CACTIN: variants seen among roughly 807,000 people sequenced by gnomAD.
The protein encoded by CACTIN is cactin, spliceosome C complex subunit, also known as splicing factor Cactin.
Under a neutral mutation model 84.9 loss-of-function variants are expected in CACTIN, and 20 were observed. The ratio of observed to expected loss-of-function variants is 0.24; its 90% CI spans 0.17 to 0.34. CACTIN has a LOEUF of 0.34. Ranked by LOEUF, CACTIN falls within the 10% of genes least tolerant of loss-of-function variation. The probability of loss-of-function intolerance (pLI) is 1.00; values close to 1 mark genes in which losing one functional copy is unlikely to be tolerated. For synonymous variants in CACTIN, 549 were observed against 467.9 expected (o/e 1.17, Z -2.24); for missense variants, 897 against 1,117.2 (o/e 0.80, Z 2.81).
chr19:3,614,289 C>A (rs952622646), intron 7 of CACTIN, 108 bp downstream of exon 7: 18 of 1,146,856 alleles, frequency 1.6e-5, no homozygotes, highest in Non-Finnish European at 1.9e-5. Flanking sequence ...CTCTCCACCC[C>A]ACATGGTCCC....
At position 3,610,949 on chromosome 19, in the gene CACTIN, G is replaced by C; in HGVS notation, c.*974C>G. On this transcript the variant is annotated 3_prime_UTR_variant, in exon 10 of 10. Transcript: ENST00000429344. Reference sequence around the variant, plus strand: ...CACTCCGACCTGGGCTGTGGCACCCGTGTGGCCCTCGGCCCTCCTGGCCTG... The same window carrying C: ...CACTCCGACCTGGGCTGTGGCACCCCTGTGGCCCTCGGCCCTCCTGGCCTG... The C allele has an allele frequency of 2.2e-6, 1 of 456,746 alleles. No homozygotes were observed. Among genetic ancestry groups the C allele is most frequent in the Non-Finnish European group, 4.4e-6 (1 of 226,980 alleles). 28.3% of individuals were successfully genotyped at this position (456,746 alleles called of 1,614,324 possible). A position where few individuals can be genotyped will look rare whatever the true frequency, so the allele number is the denominator to read the frequency against.
chr19:3,614,952 A>T (rs983198157), intron 6 of CACTIN: 1 of 363,950 alleles, frequency 2.7e-6, no homozygotes, highest in Non-Finnish European at 5.3e-6. Flanking sequence ...ACCTGGCCCA[A>T]CTCTGCCCTG....
rs1244668540 is a variant in CACTIN, at chr19:3,614,498, G to A, written c.1254C>T (p.Phe418=). The change falls in exon 7 of 10, where the codon TTC becomes TTT. Residue 418 remains phenylalanine (F), a synonymous_variant. Coordinates refer to ENST00000429344, the MANE Select transcript of CACTIN (RefSeq NM_001080543.2). ...GKTYNQLQVI[F]QGIEGKIRAG... is the part of the protein sequence containing the mutation. ...CGCGGATTTTGCCCTCGATGCCCTG[G>A]AAGATGACCTGCAGCTGGTTGTATG... 1.2e-6 allele frequency: 2 copies of A among 1,605,952 alleles called. No homozygotes were observed. The highest frequency in any genetic ancestry group is 2.7e-5 in the African/African-American group (2 of 74,790).
Position 3,611,837 on chromosome 19 carries a change from G to T in CACTIN, c.*86C>A. On this transcript the variant is annotated 3_prime_UTR_variant, in exon 10 of 10. Coordinates refer to ENST00000429344, the MANE Select transcript of CACTIN (RefSeq NM_001080543.2). ...CGTGAACCCGCGGCCCTGCAGCCCA[G>T]ACAGCGGCCCCGGAGTGACCACCAG... 6.5e-7 allele frequency: 1 copy of T among 1,529,050 alleles called. No individual in the cohort carries two copies. Among genetic ancestry groups the T allele is most frequent in the Non-Finnish European group, 8.8e-7 (1 of 1,131,770 alleles). The allele number at this position is 1,529,050 out of a possible 1,614,324, so 94.7% of individuals were successfully genotyped here.
At position 3,611,370 on chromosome 19, in the gene CACTIN, C is replaced by T. The variant is rs751186262; in HGVS notation, c.*553G>A. 81 of 447,108 alleles carry T rather than the reference C, an allele frequency of 1.8e-4. No individual in the cohort carries two copies. The highest frequency in any genetic ancestry group is 3.4e-4 in the Non-Finnish European group (76 of 224,868). The allele number at this position is 447,108 out of a possible 1,614,324, so 27.7% of individuals were successfully genotyped here. A position where few individuals can be genotyped will look rare whatever the true frequency, so the allele number is the denominator to read the frequency against. On this transcript the variant is annotated 3_prime_UTR_variant, in exon 10 of 10. Coordinates refer to ENST00000429344, the MANE Select transcript of CACTIN (RefSeq NM_001080543.2). Reference sequence around the variant, plus strand: ...GGTCCCGGCCTCAGTGCTGCCTGTGCGGGCGAGGGTGGCCTGTGGGCAGGG... The same window carrying T: ...GGTCCCGGCCTCAGTGCTGCCTGTGTGGGCGAGGGTGGCCTGTGGGCAGGG...
At chr19:3,620,064 G>A in intron 4 of CACTIN, 63 bp downstream of exon 4, 2 of 1,581,110 alleles carry the variant, frequency 1.3e-6, no homozygotes, top group South Asian at 1.1e-5. Context: ...CTTCCAGAGT[G>A]ACAGCCAGTG....
Position 3,612,127 on chromosome 19 carries a change from C to A in CACTIN, c.2073G>T (p.Thr691=). The change falls in exon 10 of 10, where the codon ACG becomes ACT. Residue 691 remains threonine, a synonymous_variant. Coordinates refer to ENST00000429344, the MANE Select transcript of CACTIN (RefSeq NM_001080543.2). ...CGCAGGCCTCCAGGAAGTACTCGGG[C>A]GTGGAGCGCTTGTCGATGAGGTCGG... The part of the protein sequence containing the change: ...FYPDLIDKRS[T]PEYFLEACAD... 2 of 1,613,792 alleles carry A rather than the reference C, an allele frequency of 1.2e-6. No homozygotes were observed. The highest frequency in any genetic ancestry group is 1.7e-6 in the Non-Finnish European group (2 of 1,179,902).
rs570057764 is a variant in CACTIN, at chr19:3,611,679, C to G, written c.*244G>C. On this transcript the variant is annotated 3_prime_UTR_variant, in exon 10 of 10. Coordinates refer to ENST00000429344, the MANE Select transcript of CACTIN (RefSeq NM_001080543.2). The stretch of plus-strand genomic sequence containing the variant: ...TCGAAAGATGCCCCTAGCGCCCCCT[C>G]CGTTGCATCAGGACCCTAGGCCAGC... 1 of 564,522 alleles carries G rather than the reference C, an allele frequency of 1.8e-6. No homozygotes were observed. Among genetic ancestry groups the G allele is most frequent in the East Asian group, 3.2e-5 (1 of 31,230 alleles). 35.0% of individuals were successfully genotyped at this position (564,522 alleles called of 1,614,324 possible). A position where few individuals can be genotyped will look rare whatever the true frequency, so the allele number is the denominator to read the frequency against.
At chr19:3,612,897 G>A (rs753081231) in intron 9 of CACTIN, 161 bp downstream of exon 9, 7 of 867,134 alleles carry the variant, frequency 8.1e-6, no homozygotes, top group South Asian at 2.9e-5. Context: ...ACGCCCCAGT[G>A]CGCGTGCAGG....
intron 2 of CACTIN, among the ~76,000 whole-genome samples, chr19:3,622,486 C>T (rs1308374265): frequency 6.6e-6 from 1 of 151,932 alleles, no homozygotes; most frequent in African/African-American, 2.4e-5. Context: ...CATTTACACA[C>T]AGACACACAG....
At chr19:3,624,204 GTCA>G in intron 1 of CACTIN, 42 bp from the exon 2 acceptor site, 10 of 1,486,788 alleles carry the variant, frequency 6.7e-6, no homozygotes, top group Non-Finnish European at 6.3e-6. Context: ...GCCTGCAGCT[GTCA>G]TCTGCTCCAC....
At chr19:3,618,771 G>C in intron 6 of CACTIN, 104 bp downstream of exon 6, 4 of 928,898 alleles carry the variant, frequency 4.3e-6, no homozygotes, top group Non-Finnish European at 6.4e-6. Context: ...TGGGGAAACC[G>C]AGGCCTGCAG....
At chr19:3,612,703 C>T (rs982341037) in intron 9 of CACTIN, 8 of 698,798 alleles carry the variant, frequency 1.1e-5, no homozygotes, top group Admixed American at 4.0e-5. Flanking sequence ...GGCCTGGCTG[C>T]GGGATCCAGC....
At chr19:3,625,323 GT>G (rs1387091261) in intron 1 of CACTIN, among the ~76,000 whole-genome samples, 1 of 152,192 alleles carries the variant, frequency 6.6e-6, no homozygotes, top group African/African-American at 2.4e-5. Flanking sequence ...TTGGCCACAA[GT>G]TCAACTGAAT....
chr19:3,612,460 C>A, intron 9 of CACTIN, 47 bp from the exon 10 acceptor site: 1 of 1,529,908 alleles, frequency 6.5e-7, no homozygotes, highest in Non-Finnish European at 8.7e-7. Context: ...CCCCCTGGGT[C>A]CTGGCCTCCC....
rs1193327677 is a variant in CACTIN at position 3,619,258 on chromosome 19, G to C, written c.885-16C>G. The C allele has an allele frequency of 6.2e-7, 1 of 1,610,578 alleles. No homozygotes were observed. Among genetic ancestry groups the C allele is most frequent in the African/African-American group, 1.3e-5 (1 of 75,066 alleles). ...GATCTTGGAACTGTGGGGAGCAGGG[G>C]AAGGTGGCATCAGAGCCTGGGCTGT... On this transcript the variant is annotated splice_polypyrimidine_tract_variant and intron_variant, in intron 4 of 9. Coordinates refer to ENST00000429344, the MANE Select transcript of CACTIN (RefSeq NM_001080543.2).
chr19:3,612,449 T>A (rs1381275452), intron 9 of CACTIN, 36 bp from the exon 10 acceptor site: 2 of 1,536,092 alleles, frequency 1.3e-6, no homozygotes, highest in Admixed American at 3.7e-5. Context: ...GGCCTCGGCC[T>A]CCCCCTGGGT....
At chr19:3,613,680 C>G in intron 7 of CACTIN, 94 bp from the exon 8 acceptor site, 2 of 1,494,310 alleles carry the variant, frequency 1.3e-6, no homozygotes, top group South Asian at 2.5e-5. Context: ...GCTGCAAGGA[C>G]CCTGAGAAGG....
intron 7 of CACTIN, 38 bp downstream of exon 7, chr19:3,614,358 CG>C (rs1435176905): frequency 1.3e-6 from 2 of 1,546,198 alleles, no homozygotes; most frequent in Non-Finnish European, 1.7e-6. Context: ...CCATCCCACC[CG>C]GACGGCACCA....
Sources: gnomAD v4.1 joint callset for allele counts (sites outside exome capture counted in the v4.1 genomes callset) on GRCh38, gnomAD v4.1.1 for gene constraint, MANE v1.5 for transcripts, NCBI Gene and HGNC (gene_info 2026-07-23, HGNC 2026-07-21) for gene names.